Variants in TAPBPL observed in about 807,000 individuals in gnomAD.
TAPBPL encodes the protein tapasin-related protein.
TAPBPL carries 32 observed loss-of-function variants against 44.8 expected under a neutral mutation model. The ratio of observed to expected loss-of-function variants is 0.71; its 90% CI spans 0.54 to 0.96. The LOEUF (loss-of-function observed/expected upper bound fraction) is 0.96, where lower values mean the gene tolerates loss of function less well. Ranked by LOEUF, TAPBPL falls within the 40% of genes least tolerant of loss-of-function variation. The pLI, the probability that TAPBPL is intolerant of heterozygous loss-of-function variation, is 0.00. For missense variants in TAPBPL, 520 were observed against 586.6 expected (o/e 0.89, Z 1.17); for synonymous variants, 230 against 240.7 (o/e 0.96, Z 0.41).
downstream of TAPBPL, chr12:6,470,968 G>A (rs1565530357): frequency 5.5e-6 from 1 of 180,944 alleles, no homozygotes; most frequent in East Asian, 1.5e-4. Flanking sequence ...CGCTTCAGCA[G>A]TTTGTTAGGC....
At chr12:6,466,505 A>G (rs1383681633), downstream of TAPBPL, 8 of 681,844 alleles carry the variant, frequency 1.2e-5, no homozygotes, top group Non-Finnish European at 1.6e-5. Flanking sequence ...CATCATAGCG[A>G]GACCCCATCT....
At chr12:6,457,373 G>A (rs771705782) in intron 3 of TAPBPL, 33 bp from the exon 4 acceptor site, 4 of 1,586,254 alleles carry the variant, frequency 2.5e-6, no homozygotes, top group Admixed American at 1.7e-5. Flanking sequence ...GGAGGAAGTA[G>A]CCCACAAATC....
downstream of TAPBPL, chr12:6,470,604 G>A (rs1041875501): frequency 4.4e-6 from 7 of 1,595,930 alleles, no homozygotes; most frequent in Admixed American, 6.7e-5. Flanking sequence ...GGGACGCTGC[G>A]GCTGAAGTGG....
chr12:6,460,889 C>T lies in TAPBPL; in HGVS notation c.1242C>T (p.Ser414=). Residue 414 remains serine, a synonymous_variant, in exon 6 of 7, where the codon AGC becomes AGT. Coordinates refer to ENST00000266556, the MANE Select transcript of TAPBPL (RefSeq NM_018009.5). ...RRTALGVIFA[S]SLFLLALMFL... Reference sequence around the variant, plus strand: ...CAGCCTTGGGAGTCATCTTTGCCAGCAGTCTCTTCCTTCTTGCACTGATGT... The same window carrying T: ...CAGCCTTGGGAGTCATCTTTGCCAGTAGTCTCTTCCTTCTTGCACTGATGT... 2 of 1,614,142 alleles carry T rather than the reference C, an allele frequency of 1.2e-6. No homozygotes were observed. Among genetic ancestry groups the T allele is most frequent in the African/African-American group, 2.7e-5 (2 of 75,036 alleles).
chr12:6,466,093 A>G, downstream of TAPBPL: 1 of 1,610,928 alleles, frequency 6.2e-7, no homozygotes, highest in South Asian at 1.1e-5. Context: ...GCCCTGTGCA[A>G]CTCTAAAGGG....
downstream of TAPBPL, chr12:6,465,746 C>T: frequency 2.0e-6 from 3 of 1,484,054 alleles, no homozygotes; most frequent in Non-Finnish European, 2.7e-6. Context: ...AGAGATCCTG[C>T]ACCATTAGAG....
Position 6,452,229 on chromosome 12 carries a change from G to GCT in TAPBPL, c.-20_-19insCT. ...GTGGAGAAGGGCGGTGGGCAAGGAG[G>GCT]GAACTCGAGAGCAGCCTCCATGGGC... is the stretch of plus-strand genomic sequence containing the variant. On this transcript the variant is annotated 5_prime_UTR_variant, in exon 1 of 7. Transcript: ENST00000266556. 4.5e-6 allele frequency: 7 copies of GCT among 1,566,004 alleles called. No individual in the cohort carries two copies. Among genetic ancestry groups the GCT allele is most frequent in the Non-Finnish European group, 5.2e-6 (6 of 1,155,342 alleles).
chr12:6,460,808 T>C (rs376910094), intron 5 of TAPBPL, 47 bp from the exon 6 acceptor site: 23 of 1,596,438 alleles, frequency 1.4e-5, no homozygotes, highest in Non-Finnish European at 1.5e-5. Flanking sequence ...GCTCAGCTCA[T>C]GATTCCTGCG....
At chr12:6,459,078 G>A (rs1035074018) in intron 5 of TAPBPL, 131 bp downstream of exon 5, 3 of 1,060,376 alleles carry the variant, frequency 2.8e-6, no homozygotes, top group Non-Finnish European at 4.0e-6. Flanking sequence ...TCCTGCCTCT[G>A]CTCCTGACTA....
intron 4 of TAPBPL, among the ~76,000 whole-genome samples, chr12:6,458,352 G>T (rs1430720204): frequency 1.3e-5 from 2 of 151,664 alleles, no homozygotes; most frequent in East Asian, 3.9e-4. Flanking sequence ...CTCCAGCTTG[G>T]GCGACAGAGC....
intron 3 of TAPBPL, among the ~76,000 whole-genome samples, chr12:6,454,699 C>T (rs1168810718): frequency 6.6e-6 from 1 of 152,170 alleles, no homozygotes; most frequent in Non-Finnish European, 1.5e-5. Flanking sequence ...AAATGCTAGG[C>T]TGCTCTGGTG....
downstream of TAPBPL, chr12:6,466,587 G>T: frequency 2.7e-6 from 1 of 376,018 alleles, no homozygotes; most frequent in South Asian, 3.6e-5. Flanking sequence ...TTATGATTAG[G>T]CTATACAAAA....
At chr12:6,463,587 C>G, downstream of TAPBPL, 2 of 1,065,570 alleles carry the variant, frequency 1.9e-6, no homozygotes, top group Non-Finnish European at 2.3e-6. The surrounding 1 kb of genome is among the most constrained non-coding windows in gnomAD (Gnocchi z 4.0). Context: ...GCACTTGACT[C>G]ACTGTTTCTC....
chr12:6,461,836 C>T (rs372402435), intron 6 of TAPBPL, among the ~76,000 whole-genome samples, 198 bp from the exon 7 acceptor site: 6 of 152,138 alleles, frequency 3.9e-5, no homozygotes, highest in Admixed American at 2.6e-4. Context: ...CAAAACTGTA[C>T]GTGAGGATGA....
downstream of TAPBPL, chr12:6,470,387 G>T: frequency 7.9e-7 from 1 of 1,265,218 alleles, no homozygotes; most frequent in Non-Finnish European, 1.1e-6. Flanking sequence ...CCTGGGGGTG[G>T]CCCGGTCCGG....
intron 1 of TAPBPL, 87 bp from the exon 2 acceptor site, chr12:6,452,980 G>A (rs765391420): frequency 1.1e-4 from 146 of 1,328,946 alleles, no homozygotes; most frequent in Non-Finnish European, 1.3e-4. Context: ...ACCCTTTGAT[G>A]ACTCCACAGC....
Position 6,453,125 on chromosome 12 carries a change from G to T in TAPBPL, c.123G>T (p.Leu41=). The T allele has an allele frequency of 6.3e-7, 1 of 1,589,430 alleles. No individual in the cohort carries two copies. The highest frequency in any genetic ancestry group is 8.6e-7 in the Non-Finnish European group (1 of 1,168,212). ...RAVDVVLDCF[L]AKDGAHRGAL... ...TGGACGTGGTCCTAGACTGCTTCCT[G>T]GCGAAGGACGGTGCGCACCGTGGAG... The change falls in exon 2 of 7, where the codon CTG becomes CTT. Residue 41 remains leucine (L), a synonymous_variant. Transcript: ENST00000266556. This position sits in a 1 kb window ranked among gnomAD's most constrained non-coding sequence, Gnocchi z 4.8.
chr12:6,462,344 A>G, downstream of TAPBPL: 1 of 553,550 alleles, frequency 1.8e-6, no homozygotes, highest in Non-Finnish European at 3.2e-6. Flanking sequence ...ACTCTATACA[A>G]GTATGAGATC....
Position 6,453,366 on chromosome 12 carries a change from T to G in TAPBPL, c.295+69T>G. 1 of 1,609,370 alleles carries G rather than the reference T, an allele frequency of 6.2e-7. No individual in the cohort carries two copies. ...CCACCAGGACAGCCCAGGTCCCGAT[T>G]ACAGCCACACATACTGCCTCCCGTT... On this transcript the variant is annotated intron_variant, in intron 2 of 6. Coordinates refer to ENST00000266556, the MANE Select transcript of TAPBPL (RefSeq NM_018009.5). The surrounding 1 kb of genome is among the most constrained non-coding windows in gnomAD (Gnocchi z 4.8).
Sources: gnomAD v4.1 joint callset for allele counts (sites outside exome capture counted in the v4.1 genomes callset) on GRCh38, gnomAD v4.1.1 for gene constraint, Gnocchi (gnomAD v3.1) non-coding constraint, MANE v1.5 for transcripts, NCBI Gene and HGNC (gene_info 2026-07-23, HGNC 2026-07-21) for gene names.